The following CNDP1 variants were observed in gnomAD, a reference collection of about 807,000 sequenced individuals.
CNDP1 encodes carnosine dipeptidase 1.
A neutral mutation model predicts 58.1 loss-of-function variants in CNDP1; 44 were observed. The observed-to-expected ratio is 0.76, with a 90% CI of 0.60 to 0.97. The LOEUF (loss-of-function observed/expected upper bound fraction) is 0.97, where lower values mean the gene tolerates loss of function less well. Ranked by LOEUF, CNDP1 falls within the 50% of genes least tolerant of loss-of-function variation. CNDP1 has a pLI of 0.00. For synonymous variants in CNDP1, 254 were observed against 252.6 expected (o/e 1.01, Z -0.05); for missense variants, 616 against 655.1 (o/e 0.94, Z 0.65).
In CNDP1 at chr18:74,585,388, A is replaced by T. The variant is rs897963270; in HGVS notation, c.*826A>T. On this transcript the variant is annotated 3_prime_UTR_variant, in exon 12 of 12. Transcript: ENST00000358821. ...TCTCACCCCATTGAAGTTTTACTCA[A>T]TGACAACATCTAAATTGCTCAAAGC... The T allele has an allele frequency of 8.5e-5, 13 of 152,234 alleles. No homozygotes were observed. The highest frequency in any genetic ancestry group is 3.1e-4 in the African/African-American group (13 of 41,454). 9.4% of individuals were successfully genotyped at this position (152,234 alleles called of 1,614,324 possible).
intron 10 of CNDP1, 129 bp from the exon 11 acceptor site, chr18:74,583,432 C>G (rs1981834685): frequency 1.3e-6 from 1 of 758,420 alleles, no homozygotes; most frequent in African/African-American, 1.7e-5. Flanking sequence ...AGCACCAAAT[C>G]TAATGGTAAA....
At chr18:74,574,619 T>C (rs1981581139) in intron 7 of CNDP1, 1 of 152,156 alleles carries the variant, frequency 6.6e-6, no homozygotes, top group Non-Finnish European at 1.5e-5. Flanking sequence ...ACTGCAGAAA[T>C]GACATCACGT....
chr18:74,582,299 G>GTATGTTCT (rs2144581360), intron 10 of CNDP1, among the ~76,000 whole-genome samples: 1 of 152,326 alleles, frequency 6.6e-6, no homozygotes, highest in East Asian at 1.9e-4. Flanking sequence ...AGAAGAGGTG[G>GTATGTTCT]CATGTTCTCT....
chr18:74,578,249 A>C lies in CNDP1; in HGVS notation c.1089A>C (p.Thr363=). 1.2e-6 allele frequency: 2 copies of C among 1,614,110 alleles called. No homozygotes were observed. The highest frequency in any genetic ancestry group is 1.7e-6 in the Non-Finnish European group (2 of 1,180,018). Residue 363 remains threonine (T), a synonymous_variant, in exon 9 of 12, where the codon ACA becomes ACC. Transcript: ENST00000358821. The part of the protein sequence containing the change: ...EGAFDEPGTK[T]VIPGRVIGKF... ...CGTTTGATGAGCCTGGAACTAAAAC[A>C]GTCATACCTGGCCGAGTTATAGGAA...
chr18:74,550,661 C>G (rs1440215765), intron 1 of CNDP1, among the ~76,000 whole-genome samples: 1 of 150,834 alleles, frequency 6.6e-6, no homozygotes, highest in Non-Finnish European at 1.5e-5. Flanking sequence ...ACTACAAGCT[C>G]TGCCTCCTGG....
At chr18:74,555,611 C>G (rs1424240850) in intron 1 of CNDP1, among the ~76,000 whole-genome samples, 1 of 152,132 alleles carries the variant, frequency 6.6e-6, no homozygotes, top group Admixed American at 6.5e-5. Flanking sequence ...CCCAAGGACA[C>G]CCAGGTGGAG....
chr18:74,569,721 G>A (rs1981422878), intron 6 of CNDP1, among the ~76,000 whole-genome samples: 1 of 152,098 alleles, frequency 6.6e-6, no homozygotes, highest in Non-Finnish European at 1.5e-5. Context: ...TTCCCAAGGA[G>A]GCAATTCTCC....
At chr18:74,551,709 T>C (rs1375756193) in intron 1 of CNDP1, among the ~76,000 whole-genome samples, 2 of 151,944 alleles carry the variant, frequency 1.3e-5, no homozygotes, top group African/African-American at 4.8e-5. Flanking sequence ...GAGGAGGAGA[T>C]TCCTGCTGAA....
At chr18:74,550,579 A>ATTTT (rs796382003) in intron 1 of CNDP1, among the ~76,000 whole-genome samples, 1 of 138,234 alleles carries the variant, frequency 7.2e-6, no homozygotes. Flanking sequence ...GCATTATTGA[A>ATTTT]TTTTTTTTTT....
chr18:74,543,900 C>T (rs969227244), intron 1 of CNDP1, among the ~76,000 whole-genome samples: 20 of 152,174 alleles, frequency 1.3e-4, no homozygotes, highest in African/African-American at 4.8e-4. Context: ...GCCTGGGCAA[C>T]ATAGTGGGTC....
At position 74,562,509 on chromosome 18, in the gene CNDP1, C is replaced by T. The variant is rs58823532; in HGVS notation, c.555+374C>T. On this transcript the variant is annotated intron_variant, in intron 5 of 11. Transcript: ENST00000358821. ...TTTTATCTTATCTTGTCTTTTTAAG[C>T]CTTCTTTTTCTTCTTATCACAAAGT... Among the ~76,000 whole-genome samples, 691 of 152,192 alleles carry T rather than the reference C, an allele frequency of 4.5e-3. 8 individuals are homozygous for T. The highest frequency in any genetic ancestry group is 0.015 in the African/African-American group (633 of 41,534).
At chr18:74,551,377 CA>C (rs1334734138) in intron 1 of CNDP1, among the ~76,000 whole-genome samples, 365 of 151,784 alleles carry the variant, frequency 2.4e-3, no homozygotes, top group Middle Eastern at 0.014. Context: ...CACACACACA[CA>C]CACACACACA....
Position 74,571,148 on chromosome 18 carries a change from G to C in CNDP1, c.757-38G>C, listed in dbSNP as rs139322615. 2.9e-6 allele frequency: 4 copies of C among 1,377,624 alleles called. No individual in the cohort carries two copies. In the African/African-American group the frequency reaches 4.3e-5, roughly 15 times the overall value. The allele number at this position is 1,377,624 out of a possible 1,614,324, so 85.3% of individuals were successfully genotyped here. On this transcript the variant is annotated intron_variant, in intron 6 of 11. Transcript: ENST00000358821. The stretch of plus-strand genomic sequence containing the variant: ...AAATGCTTACACTAAAGGAACCAAG[G>C]CAGGAAGTATATCTCTTACCTTTTA...
At chr18:74,560,561 C>T (rs558363242) in intron 3 of CNDP1, among the ~76,000 whole-genome samples, 4 of 151,908 alleles carry the variant, frequency 2.6e-5, no homozygotes, top group Non-Finnish European at 5.9e-5. Flanking sequence ...AAAAGGTAGC[C>T]GGACATGGTG....
intron 1 of CNDP1, among the ~76,000 whole-genome samples, chr18:74,538,878 G>GA (rs1362096033): frequency 6.6e-6 from 1 of 152,174 alleles, no homozygotes; most frequent in Non-Finnish European, 1.5e-5. Flanking sequence ...TTCTGACAGA[G>GA]AACCTGTCGC....
In CNDP1 at chr18:74,571,341, G is replaced by A. The variant is rs1005063676; in HGVS notation, c.841+71G>A. 191 of 1,083,016 alleles carry A rather than the reference G, an allele frequency of 1.8e-4. 1 individual carries two copies. Among genetic ancestry groups the A allele is most frequent in the Non-Finnish European group, 2.2e-4 (154 of 700,372 alleles). The allele number at this position is 1,083,016 out of a possible 1,614,324, so 67.1% of individuals were successfully genotyped here. A position where few individuals can be genotyped will look rare whatever the true frequency, so the allele number is the denominator to read the frequency against. On this transcript the variant is annotated intron_variant, in intron 7 of 11. Transcript: ENST00000358821. Reference sequence around the variant, plus strand: ...AAAAGACAGCTCTACTTGATTTTATGTGCCTCTCCTTGCTTTCTGAACCAG... The same window carrying A: ...AAAAGACAGCTCTACTTGATTTTATATGCCTCTCCTTGCTTTCTGAACCAG...
intron 1 of CNDP1, among the ~76,000 whole-genome samples, chr18:74,553,224 T>C (rs369040287): frequency 6.6e-6 from 1 of 152,200 alleles, no homozygotes; most frequent in South Asian, 2.1e-4. Flanking sequence ...ACATTCTACG[T>C]GTTGTCTTTT....
intron 1 of CNDP1, among the ~76,000 whole-genome samples, chr18:74,541,223 G>A (rs1031743676): frequency 6.6e-6 from 1 of 152,232 alleles, no homozygotes; most frequent in African/African-American, 2.4e-5. Flanking sequence ...ACCTGGGGAA[G>A]GAGACGGCAG....
chr18:74,558,207 C>A (rs1230054275), intron 2 of CNDP1, among the ~76,000 whole-genome samples: 1 of 152,078 alleles, frequency 6.6e-6, no homozygotes, highest in Non-Finnish European at 1.5e-5. Context: ...TGTAGTTTTT[C>A]ATAAAAATGC....
Sources: gnomAD v4.1 joint callset for allele counts (sites outside exome capture counted in the v4.1 genomes callset) on GRCh38, gnomAD v4.1.1 for gene constraint, MANE v1.5 for transcripts, NCBI Gene and HGNC (gene_info 2026-07-23, HGNC 2026-07-21) for gene names.